The following CHD2 variants were observed in gnomAD, a reference collection of about 807,000 sequenced individuals.
CHD2 encodes chromodomain helicase DNA binding protein 2.
In CHD2, 28 loss-of-function variants were observed where a neutral mutation model predicts 243.9. That is an observed-to-expected ratio of 0.11 (90% CI 0.09 to 0.16). CHD2 has a LOEUF of 0.16. CHD2 is among the 10% of genes least tolerant of loss of function. CHD2 has a pLI of 1.00. For synonymous variants in CHD2, 775 were observed against 779.0 expected (o/e 0.99, Z 0.09); for missense variants, 1,386 against 2,209.8 (o/e 0.63, Z 7.47).
In CHD2 at chr15:93,026,931, T is replaced by C. The variant is rs2054591135; in HGVS notation, c.*2226T>C. 6.6e-6 allele frequency: 1 copy of C among 152,640 alleles called. No homozygotes were observed. The highest frequency in any genetic ancestry group is 2.4e-5 in the African/African-American group (1 of 41,444). The allele number at this position is 152,640 out of a possible 1,614,324, so 9.5% of individuals were successfully genotyped here. The stretch of plus-strand genomic sequence containing the variant: ...TTCCACAGTCATCAGGGCTTCTCTC[T>C]TGAGTTGCTGATAGGAGATGTGAGT... On this transcript the variant is annotated 3_prime_UTR_variant, in exon 39 of 39. Transcript: ENST00000394196.
chr15:92,963,305 A>G (rs1596412147), intron 16 of CHD2, among the ~76,000 whole-genome samples: 1 of 151,778 alleles, frequency 6.6e-6, no homozygotes, highest in Non-Finnish European at 1.5e-5. Context: ...TCAGTGTGTC[A>G]TTTTAATTCC....
At chr15:92,976,898 CA>C (rs749191067) in intron 20 of CHD2, among the ~76,000 whole-genome samples, 1,396 of 124,418 alleles carry the variant, frequency 0.011, 10 homozygotes, top group South Asian at 0.023. Context: ...GACCCTGTCT[CA>C]AAAAAAAAAA....
intron 16 of CHD2, among the ~76,000 whole-genome samples, chr15:92,966,909 C>CAA (rs57813753): frequency 0.015 from 2,052 of 132,430 alleles, 19 homozygotes; most frequent in Middle Eastern, 0.054. Context: ...GACTCTGTCT[C>CAA]AAAAAAAAAA....
chr15:93,024,457 C>G lies in CHD2; in HGVS notation c.5239C>G (p.His1747Asp). The G allele has an allele frequency of 6.2e-7, 1 of 1,614,200 alleles. No homozygotes were observed. The highest frequency in any genetic ancestry group is 8.5e-7 in the Non-Finnish European group (1 of 1,180,032). ...GCAGGATTTCCGACGAATGTCTGAT[C>G]ACCGCCCCGCTATGGGCTACCATGG... The part of the protein sequence containing the change: ...HQQDFRRMSD[H>D]RPAMGYHGQG... Residue 1747 changes from histidine to aspartate, a missense_variant, in exon 39 of 39, where the codon CAC (histidine) becomes GAC (aspartate). His to Asp is a moderately conservative substitution (Grantham distance 81). Transcript: ENST00000394196.
At chr15:92,925,050 C>T (rs1344052012) in intron 3 of CHD2, among the ~76,000 whole-genome samples, 1 of 152,134 alleles carries the variant, frequency 6.6e-6, no homozygotes, top group Non-Finnish European at 1.5e-5. Context: ...ATCCACCTGC[C>T]TCGGCCTCCC....
chr15:93,008,549 A>G (rs1176103321), intron 34 of CHD2, among the ~76,000 whole-genome samples: 2 of 151,990 alleles, frequency 1.3e-5, no homozygotes, highest in South Asian at 2.1e-4. Flanking sequence ...TCATTTTCTC[A>G]GGTCTGTTTT....
At chr15:92,944,602 G>A in intron 10 of CHD2, 87 bp downstream of exon 10, 2 of 592,222 alleles carry the variant, frequency 3.4e-6, no homozygotes, top group Non-Finnish European at 2.9e-6. Context: ...TTTTAAAAAT[G>A]CACTTTGGAG....
rs550749690 is a variant in CHD2 at position 92,929,688 on chromosome 15, T to G, written c.443+597T>G. ...TTTTTTTGAGAAATAATTTTTAAAG[T>G]CATTTTTTGGAGAGGGTGTGGATCC... is the stretch of plus-strand genomic sequence containing the variant. On this transcript the variant is annotated intron_variant, in intron 5 of 38. Coordinates refer to ENST00000394196, the MANE Select transcript of CHD2 (RefSeq NM_001271.4). Among the ~76,000 whole-genome samples the G allele has an allele frequency of 1.6e-4, 24 of 152,324 alleles. No individual in the cohort carries two copies. The East Asian group carries it at 4.6e-3, about 29-fold the overall frequency.
chr15:92,925,812 G>T (rs1465685008), intron 3 of CHD2, among the ~76,000 whole-genome samples: 1 of 152,070 alleles, frequency 6.6e-6, no homozygotes, highest in Non-Finnish European at 1.5e-5. Context: ...GTGGACTTTG[G>T]GTTATGTGAT....
intron 1 of CHD2, 148 bp downstream of exon 1, chr15:92,900,972 T>G (rs1319567226): frequency 2.1e-6 from 1 of 467,582 alleles, no homozygotes; most frequent in Admixed American, 4.2e-5. Context: ...AAAGTTTCCT[T>G]ATTGATAGTG....
intron 38 of CHD2, 78 bp downstream of exon 38, chr15:93,020,336 A>T (rs2054518557): frequency 6.5e-7 from 1 of 1,538,828 alleles, no homozygotes; most frequent in Admixed American, 1.7e-5. Context: ...CGTATACATG[A>T]ATGTATTTAT....
At position 92,972,774 on chromosome 15, in the gene CHD2, C is replaced by T. The variant is rs1188291841; in HGVS notation, c.2505+357C>T. On this transcript the variant is annotated intron_variant, in intron 19 of 38. Coordinates refer to ENST00000394196, the MANE Select transcript of CHD2 (RefSeq NM_001271.4). ...GCTGAGGCAGGAGAATGGCGTGAAC[C>T]CGGGAGGCGGAGCTTGCAGTGAGCC... 1.3e-4 allele frequency among the ~76,000 whole-genome samples: 2 copies of T among 15,846 alleles called. 1 individual carries two copies. Among genetic ancestry groups the T allele is most frequent in the Non-Finnish European group, 4.9e-4 (2 of 4,082 alleles). The allele number at this position is 15,846 out of a possible 152,430, so 10.4% of individuals were successfully genotyped here.
chr15:93,007,330 G>T (rs948844967), intron 34 of CHD2, among the ~76,000 whole-genome samples: 1 of 152,106 alleles, frequency 6.6e-6, no homozygotes, highest in Non-Finnish European at 1.5e-5. Flanking sequence ...CTTGTGAATT[G>T]CCTATTCAGT....
At position 92,971,673 on chromosome 15, in the gene CHD2, C is replaced by T. The variant is rs561036685; in HGVS notation, c.2190-92C>T. 3.3e-5 allele frequency: 37 copies of T among 1,131,398 alleles called. 1 individual carries two copies. In the South Asian group the frequency reaches 8.8e-4, roughly 27 times the overall value. 70.1% of individuals were successfully genotyped at this position (1,131,398 alleles called of 1,614,324 possible). A position where few individuals can be genotyped will look rare whatever the true frequency, so the allele number is the denominator to read the frequency against. On this transcript the variant is annotated intron_variant, in intron 17 of 38. Coordinates refer to ENST00000394196, the MANE Select transcript of CHD2 (RefSeq NM_001271.4). ...ACTTTTTTAGGCCTCTTTTTTTCTC[C>T]ACAATACTACTACTATCTCTTATAC...
At chr15:92,905,031 A>G (rs1018839504) in intron 2 of CHD2, 47 of 1,520,828 alleles carry the variant, frequency 3.1e-5, no homozygotes, top group Non-Finnish European at 3.9e-5. Flanking sequence ...TAAGTACTAT[A>G]TATTTAAGAT....
intron 34 of CHD2, among the ~76,000 whole-genome samples, chr15:93,006,244 A>C (rs774190702): frequency 2.0e-5 from 3 of 149,320 alleles, no homozygotes; most frequent in Non-Finnish European, 4.4e-5. Flanking sequence ...CTCCTGCCTC[A>C]GCCTCCTGAG....
rs116201947 is a variant in CHD2 at position 93,022,499 on chromosome 15, G to A, written c.5154-1873G>A. Among the ~76,000 whole-genome samples, 390 of 152,352 alleles carry A rather than the reference G, an allele frequency of 2.6e-3. 2 individuals are homozygous for A. The highest frequency in any genetic ancestry group is 8.5e-3 in the African/African-American group (353 of 41,584). On this transcript the variant is annotated intron_variant, in intron 38 of 38. Coordinates refer to ENST00000394196, the MANE Select transcript of CHD2 (RefSeq NM_001271.4). ...GTATCACCATCTGGAGGTCTTTGGT[G>A]TGGCTGGTGAGAACAGGCACGATGC...
chr15:92,913,878 G>A (rs1227940207), intron 2 of CHD2, among the ~76,000 whole-genome samples: 1 of 152,016 alleles, frequency 6.6e-6, no homozygotes, highest in Non-Finnish European at 1.5e-5. Flanking sequence ...CTATGATTGA[G>A]AAACCGTGCT....
At chr15:92,991,660 A>G in intron 27 of CHD2, 143 bp downstream of exon 27, 1 of 540,816 alleles carries the variant, frequency 1.8e-6, no homozygotes, top group Non-Finnish European at 3.2e-6. Context: ...ACATTTATAT[A>G]TTGGGTGCCT....
Sources: gnomAD v4.1 joint callset for allele counts (sites outside exome capture counted in the v4.1 genomes callset) on GRCh38, gnomAD v4.1.1 for gene constraint, MANE v1.5 for transcripts, NCBI Gene and HGNC (gene_info 2026-07-23, HGNC 2026-07-21) for gene names.